CACNA2D3: variants seen among roughly 807,000 people sequenced by gnomAD.
CACNA2D3 encodes calcium voltage-gated channel auxiliary subunit alpha2delta 3, also known as voltage-dependent calcium channel subunit alpha-2/delta-3.
CACNA2D3 carries 60 observed loss-of-function variants against 160.6 expected under a neutral mutation model. That is an observed-to-expected ratio of 0.37 (90% CI 0.30 to 0.46). The LOEUF is 0.46. Among genes scored for constraint, CACNA2D3 ranks in the 20% least tolerant of loss-of-function variants. The pLI, the probability that CACNA2D3 is intolerant of heterozygous loss-of-function variation, is 1.00. For missense variants in CACNA2D3, 1,205 were observed against 1,365.0 expected (o/e 0.88, Z 1.85); for synonymous variants, 558 against 492.9 (o/e 1.13, Z -1.75).
At chr3:54,697,689 G>C (rs1214432356) in intron 11 of CACNA2D3, among the ~76,000 whole-genome samples, 2 of 152,162 alleles carry the variant, frequency 1.3e-5, no homozygotes, top group Non-Finnish European at 2.9e-5. Context: ...CAGAGAGAGG[G>C]AGTTGGAGCA....
chr3:54,615,938 G>C (rs1251546349), intron 9 of CACNA2D3, among the ~76,000 whole-genome samples: 1 of 152,186 alleles, frequency 6.6e-6, no homozygotes, highest in East Asian at 1.9e-4. Flanking sequence ...TGCATACAAG[G>C]AATCTAGGTT....
intron 27 of CACNA2D3, among the ~76,000 whole-genome samples, chr3:54,934,406 GT>G (rs5849064): frequency 0.59 from 89,158 of 151,990 alleles, 26,474 homozygotes; most frequent in East Asian, 0.77. Flanking sequence ...TCATCTCCTT[GT>G]TTTTTTCTTG....
chr3:54,334,232 G>A (rs905500752), intron 3 of CACNA2D3, among the ~76,000 whole-genome samples: 2 of 151,526 alleles, frequency 1.3e-5, no homozygotes, highest in South Asian at 4.2e-4. Flanking sequence ...GATTACAGGC[G>A]CTCGCCACGA....
At chr3:54,537,502 C>G (rs1455557705) in intron 5 of CACNA2D3, among the ~76,000 whole-genome samples, 1 of 152,102 alleles carries the variant, frequency 6.6e-6, no homozygotes, top group Non-Finnish European at 1.5e-5. Context: ...TGCAGGGAAA[C>G]AGCTCCACCA....
At chr3:54,527,947 T>C (rs1193674467) in intron 5 of CACNA2D3, among the ~76,000 whole-genome samples, 1 of 152,232 alleles carries the variant, frequency 6.6e-6, no homozygotes, top group Non-Finnish European at 1.5e-5. Flanking sequence ...TTCCAGATAC[T>C]TTAAATTTTT....
At chr3:54,299,772 G>T (rs1226136940) in intron 2 of CACNA2D3, among the ~76,000 whole-genome samples, 2 of 152,310 alleles carry the variant, frequency 1.3e-5, no homozygotes, top group African/African-American at 4.8e-5. Context: ...AGACATTATA[G>T]AATGAAATAG....
intron 4 of CACNA2D3, among the ~76,000 whole-genome samples, chr3:54,502,958 C>T (rs1701316818): frequency 6.6e-6 from 1 of 152,154 alleles, no homozygotes; most frequent in African/African-American, 2.4e-5. Context: ...ATGCCCACAC[C>T]ACTGGATTTC....
intron 2 of CACNA2D3, among the ~76,000 whole-genome samples, chr3:54,234,177 T>A (rs879420931): frequency 1.3e-5 from 2 of 152,010 alleles, no homozygotes; most frequent in Admixed American, 1.3e-4. Flanking sequence ...AAAACTCCAT[T>A]AAAAAGTGGC....
At chr3:54,819,705 C>G (rs1050256993) in intron 14 of CACNA2D3, among the ~76,000 whole-genome samples, 1 of 152,048 alleles carries the variant, frequency 6.6e-6, no homozygotes, top group Non-Finnish European at 1.5e-5. Context: ...ATTAGCCGGG[C>G]GTGGTGGCGC....
intron 4 of CACNA2D3, among the ~76,000 whole-genome samples, chr3:54,412,570 G>T (rs1699685722): frequency 1.6e-5 from 2 of 126,942 alleles, no homozygotes; most frequent in African/African-American, 2.9e-5. Flanking sequence ...TCTTTTTTCT[G>T]TACCTTTACT....
intron 11 of CACNA2D3, among the ~76,000 whole-genome samples, chr3:54,663,030 A>G (rs765335707): frequency 5.3e-5 from 8 of 152,202 alleles, no homozygotes; most frequent in Non-Finnish European, 8.8e-5. Flanking sequence ...CCAGGAACCA[A>G]TGAGGGAAAT....
chr3:54,622,046 G>A (rs1290755163), intron 9 of CACNA2D3, among the ~76,000 whole-genome samples: 1 of 152,132 alleles, frequency 6.6e-6, no homozygotes. Context: ...TCTTACTCAG[G>A]CTTGTAGAGA....
chr3:54,998,166 TTGCCCA>T (rs1702900677), intron 31 of CACNA2D3, among the ~76,000 whole-genome samples: 1 of 149,832 alleles, frequency 6.7e-6, no homozygotes, highest in Non-Finnish European at 1.5e-5. Flanking sequence ...TCTTGCTCTA[TTGCCCA>T]TGCCCAGGCT....
chr3:54,765,130 G>C (rs1367751812), intron 13 of CACNA2D3, among the ~76,000 whole-genome samples: 1 of 152,100 alleles, frequency 6.6e-6, no homozygotes, highest in Non-Finnish European at 1.5e-5. Context: ...CCCAGACACA[G>C]CTGTCCTCCA....
At chr3:55,071,594 G>A (rs1238784321) in intron 35 of CACNA2D3, among the ~76,000 whole-genome samples, 3 of 151,990 alleles carry the variant, frequency 2.0e-5, no homozygotes, top group Non-Finnish European at 4.4e-5. Flanking sequence ...TACTCCCATT[G>A]AGCAACTGGT....
At chr3:54,888,887 A>C (rs968195648) in intron 24 of CACNA2D3, among the ~76,000 whole-genome samples, 3 of 152,112 alleles carry the variant, frequency 2.0e-5, no homozygotes, top group Non-Finnish European at 4.4e-5. Context: ...ATGGAGAGAA[A>C]CCACACAGAT....
intron 5 of CACNA2D3, among the ~76,000 whole-genome samples, chr3:54,530,469 A>C (rs1701789571): frequency 6.6e-6 from 1 of 152,326 alleles, no homozygotes; most frequent in African/African-American, 2.4e-5. Flanking sequence ...GTATAGAGCT[A>C]ATCAGAAGCA....
At chr3:54,436,813 C>T (rs1457698113) in intron 4 of CACNA2D3, among the ~76,000 whole-genome samples, 1 of 151,686 alleles carries the variant, frequency 6.6e-6, no homozygotes, top group Non-Finnish European at 1.5e-5. Context: ...AGCATTAGGA[C>T]AAATATGTAA....
intron 11 of CACNA2D3, among the ~76,000 whole-genome samples, chr3:54,682,351 G>A (rs981944345): frequency 1.3e-5 from 2 of 152,198 alleles, no homozygotes; most frequent in African/African-American, 4.8e-5. Flanking sequence ...ATTAGCCCGG[G>A]CGTGGTGGCT....
Sources: allele counts gnomAD v4.1 joint callset (sites outside exome capture counted in the v4.1 genomes callset), GRCh38; gene constraint gnomAD v4.1.1; transcripts MANE v1.5; gene names NCBI Gene and HGNC (gene_info 2026-07-23, HGNC 2026-07-21).